TFAP2D: variants seen among roughly 807,000 people sequenced by gnomAD.
TFAP2D encodes the protein transcription factor AP-2-delta.
A neutral mutation model predicts 43.6 loss-of-function variants in TFAP2D; 9 were observed. The ratio of observed to expected loss-of-function variants is 0.21; its 90% CI spans 0.12 to 0.36. The LOEUF (loss-of-function observed/expected upper bound fraction) is 0.36. Among genes scored for constraint, TFAP2D ranks in the 10% least tolerant of loss-of-function variants. The pLI is 1.00. For missense variants in TFAP2D, 513 were observed against 561.4 expected (o/e 0.91, Z 0.87); for synonymous variants, 256 against 224.9 (o/e 1.14, Z -1.24).
At chr6:50,728,417 A>C (rs1768838479) in intron 3 of TFAP2D, among the ~76,000 whole-genome samples, 1 of 152,242 alleles carries the variant, frequency 6.6e-6, no homozygotes, top group African/African-American at 2.4e-5. Context: ...TGGAAAAGAC[A>C]GTAATTGTGG....
rs778560524 is a variant in TFAP2D at position 50,772,823 on chromosome 6, G to A, written c.1318G>A (p.Glu440Lys). The A allele has an allele frequency of 6.2e-7, 1 of 1,613,992 alleles. No homozygotes were observed. ...SEKAPLRKTS[E>K]AAVKEGKTEK... ...GAAAGCTCCCCTGCGGAAAACTTCAGAGGCTGCCGTGAAAGAGGGCAAAAC... is the reference window on the plus strand; with the variant it reads ...GAAAGCTCCCCTGCGGAAAACTTCAAAGGCTGCCGTGAAAGAGGGCAAAAC... Residue 440 changes from glutamate to lysine, a missense_variant, in exon 8 of 8, where the codon GAG (glutamate) becomes AAG (lysine). Glu to Lys is a moderately conservative substitution (Grantham distance 56). This residue lies in a region of TFAP2D where 199 missense variants were observed against 227.9 expected (regional missense o/e 0.87). Coordinates refer to ENST00000008391, the MANE Select transcript of TFAP2D (RefSeq NM_172238.4).
chr6:50,733,246 T>C (rs1391486280), intron 5 of TFAP2D, among the ~76,000 whole-genome samples: 1 of 152,058 alleles, frequency 6.6e-6, no homozygotes, highest in East Asian at 1.9e-4. Context: ...ACGAAAGCAA[T>C]ACCACATTTA....
intron 6 of TFAP2D, among the ~76,000 whole-genome samples, chr6:50,748,530 A>G (rs927117467): frequency 6.6e-6 from 1 of 151,882 alleles, no homozygotes; most frequent in African/African-American, 2.4e-5. Flanking sequence ...CAAGTATACA[A>G]TTGTATAAAG....
chr6:50,741,767 GA>G (rs112907842), intron 5 of TFAP2D, among the ~76,000 whole-genome samples: 570 of 132,564 alleles, frequency 4.3e-3, no homozygotes, highest in Admixed American at 6.5e-3. Flanking sequence ...AAGTAGCTCT[GA>G]AAAAAAAAAA....
chr6:50,724,381 T>C (rs115647047), intron 3 of TFAP2D, among the ~76,000 whole-genome samples: 6,985 of 152,312 alleles, frequency 0.046, 190 homozygotes, highest in Non-Finnish European at 0.054. Flanking sequence ...TGTTTGGCTG[T>C]AAGGCGAACA....
At chr6:50,734,706 C>T (rs1293418894) in intron 5 of TFAP2D, among the ~76,000 whole-genome samples, 2 of 152,046 alleles carry the variant, frequency 1.3e-5, no homozygotes, top group South Asian at 2.1e-4. Context: ...GTGACCACAC[C>T]TTATTGTGAG....
intron 6 of TFAP2D, among the ~76,000 whole-genome samples, chr6:50,748,691 G>A (rs778059624): frequency 2.6e-5 from 4 of 151,872 alleles, no homozygotes; most frequent in Non-Finnish European, 5.9e-5. Flanking sequence ...CAGACAAAAC[G>A]TGTTTATTTG....
intron 5 of TFAP2D, among the ~76,000 whole-genome samples, chr6:50,736,875 TAAC>T (rs1357529065): frequency 6.6e-6 from 1 of 152,238 alleles, no homozygotes; most frequent in Non-Finnish European, 1.5e-5. Context: ...TCACTAAAAA[TAAC>T]GTTTGAATTC....
intron 5 of TFAP2D, among the ~76,000 whole-genome samples, chr6:50,736,662 G>A (rs1426610489): frequency 2.0e-5 from 3 of 152,158 alleles, no homozygotes; most frequent in South Asian, 2.1e-4. Context: ...TGGTGGGGAT[G>A]GTATTTGCAT....
chr6:50,757,815 T>G lies in TFAP2D; in HGVS notation c.1139+6491T>G, dbSNP rs564041152. 7.6e-3 allele frequency among the ~76,000 whole-genome samples: 938 copies of G among 123,800 alleles called. 43 individuals carry two copies. Among genetic ancestry groups the G allele is most frequent in the African/African-American group, 0.028 (888 of 31,474 alleles). 81.2% of individuals were successfully genotyped at this position (123,800 alleles called of 152,430 possible). A position where few individuals can be genotyped will look rare whatever the true frequency, so the allele number is the denominator to read the frequency against. On this transcript the variant is annotated intron_variant, in intron 7 of 7. Transcript: ENST00000008391. The stretch of plus-strand genomic sequence containing the variant: ...TATAGAATATATATAATTATATATA[T>G]AGAATATATATAATTATATATATAA...
At chr6:50,737,594 A>T (rs901351667) in intron 5 of TFAP2D, among the ~76,000 whole-genome samples, 2 of 152,162 alleles carry the variant, frequency 1.3e-5, no homozygotes, top group African/African-American at 4.8e-5. Flanking sequence ...AAATGTTATT[A>T]GTTGATCTTT....
At chr6:50,745,326 G>A (rs1769110769) in intron 6 of TFAP2D, 78 bp downstream of exon 6, 2 of 1,575,354 alleles carry the variant, frequency 1.3e-6, no homozygotes, top group African/African-American at 1.4e-5. Flanking sequence ...GAGGAAAACA[G>A]TCTAGAAGGC....
chr6:50,724,839 G>A (rs1215961009), intron 3 of TFAP2D, among the ~76,000 whole-genome samples: 1 of 151,890 alleles, frequency 6.6e-6, no homozygotes, highest in Non-Finnish European at 1.5e-5. Flanking sequence ...CGGGGTAGTT[G>A]TTTTTTTAAA....
chr6:50,731,422 A>G (rs1581763509), intron 5 of TFAP2D, among the ~76,000 whole-genome samples: 1 of 150,674 alleles, frequency 6.6e-6, no homozygotes, highest in Non-Finnish European at 1.5e-5. Context: ...CGCTCTTGAC[A>G]TAGTAAGACC....
rs78823892 is a variant in TFAP2D at position 50,772,832 on chromosome 6, G to T, written c.1327G>T (p.Val443Leu). The T allele has an allele frequency of 1.2e-6, 2 of 1,613,722 alleles. No individual in the cohort carries two copies. Among genetic ancestry groups the T allele is most frequent in the Non-Finnish European group, 1.7e-6 (2 of 1,179,910 alleles). Reference protein sequence around the residue: ...APLRKTSEAAVKEGKTEKTD With the variant: ...APLRKTSEAALKEGKTEKTD Reference sequence around the variant, plus strand: ...CCTGCGGAAAACTTCAGAGGCTGCCGTGAAAGAGGGCAAAACAGAAAAGAC... The same window carrying T: ...CCTGCGGAAAACTTCAGAGGCTGCCTTGAAAGAGGGCAAAACAGAAAAGAC... Residue 443 changes from valine to leucine, a missense_variant, in exon 8 of 8, where the codon GTG becomes TTG. Transcript: ENST00000008391.
At chr6:50,715,878 G>A (rs1426515999) in intron 2 of TFAP2D, among the ~76,000 whole-genome samples, 2 of 152,030 alleles carry the variant, frequency 1.3e-5, no homozygotes, top group African/African-American at 2.4e-5. Flanking sequence ...CGGGAGTCCG[G>A]GCGGCTGCGG....
At chr6:50,757,544 G>T (rs1223555093) in intron 7 of TFAP2D, among the ~76,000 whole-genome samples, 16 of 65,896 alleles carry the variant, frequency 2.4e-4, no homozygotes, top group East Asian at 6.9e-4. Context: ...TATATATATA[G>T]AATACATATA....
At chr6:50,741,092 T>TGTATTTAATATAA (rs944522406) in intron 5 of TFAP2D, among the ~76,000 whole-genome samples, 4 of 151,840 alleles carry the variant, frequency 2.6e-5, no homozygotes, top group Admixed American at 2.0e-4. Context: ...ATTAAATATC[T>TGTATTTAATATAA]GTATTTAATA....
At chr6:50,772,245 G>A (rs189432881) in intron 7 of TFAP2D, among the ~76,000 whole-genome samples, 110 of 152,132 alleles carry the variant, frequency 7.2e-4, no homozygotes, top group African/African-American at 2.5e-3. Flanking sequence ...CTGTCATGGG[G>A]TGGGCGGAGG....
Sources: allele counts gnomAD v4.1 joint callset (sites outside exome capture counted in the v4.1 genomes callset), GRCh38; gene constraint gnomAD v4.1.1; regional missense constraint gnomAD v4.1.1; transcripts MANE v1.5; gene names NCBI Gene and HGNC (gene_info 2026-07-23, HGNC 2026-07-21).